Variants in OSBPL8 observed in about 807,000 individuals in gnomAD.
OSBPL8 encodes the protein oxysterol binding protein like 8.
OSBPL8 carries 59 observed loss-of-function variants against 125.5 expected under a neutral mutation model. That is an observed-to-expected ratio of 0.47 (90% confidence interval 0.38 to 0.58). The LOEUF is 0.58. Ranked by LOEUF, OSBPL8 falls within the 20% of genes least tolerant of loss-of-function variation. The pLI, the probability that OSBPL8 is intolerant of heterozygous loss-of-function variation, is 0.00. For missense variants in OSBPL8, 758 were observed against 1,047.8 expected, an observed-to-expected ratio of 0.72 and a Z score of 3.82; for synonymous variants, 330 against 338.9, an observed-to-expected ratio of 0.97 and a Z score of 0.29.
At position 76,450,954 on chromosome 12, in the gene OSBPL8, C is replaced by T. The variant is rs1235410529; in HGVS notation, c.114G>A (p.Leu38=). The T allele has an allele frequency of 6.2e-7, 1 of 1,613,718 alleles. No homozygotes were observed. The highest frequency in any genetic ancestry group is 8.5e-7 in the Non-Finnish European group (1 of 1,179,872). The part of the protein sequence containing the change: ...VVANSDESQL[L]TPGKMSQRQG... ...GGCGCTGACTCATCTTTCCTGGTGT[C>T]AGAAGCTGAGATTCGTCACTGTTTG... Residue 38 remains leucine, a synonymous_variant, in exon 4 of 24, where the codon CTG becomes CTA. Coordinates refer to ENST00000261183, the MANE Select transcript of OSBPL8 (RefSeq NM_020841.5).
chr12:76,392,138 C>A (rs1394483924), intron 10 of OSBPL8, among the ~76,000 whole-genome samples: 2 of 93,472 alleles, frequency 2.1e-5, no homozygotes, highest in Non-Finnish European at 4.1e-5. Flanking sequence ...TTCACAAATA[C>A]CAGGTAGAGT....
At chr12:76,386,043 T>A (rs1953294797) in intron 14 of OSBPL8, 125 bp downstream of exon 14, 1 of 1,372,880 alleles carries the variant, frequency 7.3e-7, no homozygotes, top group South Asian at 1.5e-5. Context: ...AAAGGTTAAA[T>A]GTTTACCAAA....
chr12:76,359,615 G>A (rs577044415), intron 21 of OSBPL8, among the ~76,000 whole-genome samples: 1 of 152,190 alleles, frequency 6.6e-6, no homozygotes, highest in East Asian at 1.9e-4. Context: ...CCGAGACTGG[G>A]ATGAAAAGGA....
chr12:76,454,351 G>C lies in OSBPL8; in HGVS notation c.80-3363C>G, dbSNP rs1873759661. ...ATAGTATATAGCACTAAAAAGGAAT[G>C]ATCTAGTTCTATAACAAACGACATG... is the stretch of plus-strand genomic sequence containing the variant. On this transcript the variant is annotated intron_variant, in intron 3 of 23. Coordinates refer to ENST00000261183, the MANE Select transcript of OSBPL8 (RefSeq NM_020841.5). Among the ~76,000 whole-genome samples the C allele has an allele frequency of 3.3e-5, 5 of 152,100 alleles. No homozygotes were observed. In the South Asian group the frequency reaches 6.2e-4, roughly 19 times the overall value.
intron 4 of OSBPL8, among the ~76,000 whole-genome samples, chr12:76,439,372 C>G (rs1213410615): frequency 6.6e-6 from 1 of 151,254 alleles, no homozygotes; most frequent in Non-Finnish European, 1.5e-5. Flanking sequence ...GAGTGAGACT[C>G]CATCTCCAAA....
At chr12:76,531,202 T>C (rs1950330500) in intron 1 of OSBPL8, among the ~76,000 whole-genome samples, 1 of 152,188 alleles carries the variant, frequency 6.6e-6, no homozygotes, top group East Asian at 1.9e-4. Flanking sequence ...AATTGCCTTA[T>C]AAAACCACCA....
At chr12:76,445,442 T>C (rs539394497) in intron 4 of OSBPL8, among the ~76,000 whole-genome samples, 1 of 152,074 alleles carries the variant, frequency 6.6e-6, no homozygotes, top group Non-Finnish European at 1.5e-5. Context: ...TAAGAAAGCA[T>C]GCCAAGACTG....
chr12:76,359,337 T>C (rs971167948), intron 21 of OSBPL8, among the ~76,000 whole-genome samples: 4 of 152,212 alleles, frequency 2.6e-5, no homozygotes, highest in African/African-American at 9.7e-5. Flanking sequence ...AAGTATCTTA[T>C]AATAAATAAA....
At chr12:76,525,055 T>C (rs1471155513) in intron 1 of OSBPL8, among the ~76,000 whole-genome samples, 1 of 152,124 alleles carries the variant, frequency 6.6e-6, no homozygotes, top group African/African-American at 2.4e-5. Flanking sequence ...ACAAAACAAC[T>C]AGGCTTCTTT....
At chr12:76,380,296 T>C (rs972935839) in intron 15 of OSBPL8, among the ~76,000 whole-genome samples, 3 of 152,210 alleles carry the variant, frequency 2.0e-5, no homozygotes, top group African/African-American at 7.2e-5. Flanking sequence ...GGATCTTCTT[T>C]AATTTTCCTC....
intron 1 of OSBPL8, among the ~76,000 whole-genome samples, chr12:76,536,270 T>C (rs1378029965): frequency 1.3e-5 from 2 of 152,080 alleles, no homozygotes; most frequent in African/African-American, 4.8e-5. Context: ...GCAGATCACC[T>C]GAGGTCAAAA....
At chr12:76,365,974 C>T (rs1412712365) in intron 21 of OSBPL8, among the ~76,000 whole-genome samples, 1 of 152,052 alleles carries the variant, frequency 6.6e-6, no homozygotes, top group Admixed American at 6.5e-5. Context: ...TAATATGCTA[C>T]TGAATTTTGT....
chr12:76,355,309 G>A lies in OSBPL8; in HGVS notation c.*580C>T, dbSNP rs1329203646. ...AAGCAATTTGCCATTTATCTCTCTC[G>A]ATGTATTCATTTTGACCATTCATAC... On this transcript the variant is annotated 3_prime_UTR_variant, in exon 24 of 24. Coordinates refer to ENST00000261183, the MANE Select transcript of OSBPL8 (RefSeq NM_020841.5). The A allele has an allele frequency of 6.6e-6, 1 of 152,144 alleles. No homozygotes were observed. Among genetic ancestry groups the A allele is most frequent in the African/African-American group, 2.4e-5 (1 of 41,342 alleles). The allele number at this position is 152,144 out of a possible 1,614,324, so 9.4% of individuals were successfully genotyped here.
intron 1 of OSBPL8, among the ~76,000 whole-genome samples, chr12:76,497,751 T>G (rs1396516277): frequency 6.6e-6 from 1 of 152,200 alleles, no homozygotes; most frequent in African/African-American, 2.4e-5. Context: ...TGTACCTTTG[T>G]AACATGAGGC....
In OSBPL8 at chr12:76,369,492, T is replaced by C. The variant is rs535186122; in HGVS notation, c.2240+145A>G. ...TTCTATCATAGAGTCAAGCTTATAA[T>C]GAATGCAAAACCAAGTTTAAAAATC... On this transcript the variant is annotated intron_variant, in intron 20 of 23. Coordinates refer to ENST00000261183, the MANE Select transcript of OSBPL8 (RefSeq NM_020841.5). 5.4e-5 allele frequency: 73 copies of C among 1,346,234 alleles called. No homozygotes were observed. The East Asian group carries it at 1.5e-3, about 28-fold the overall frequency. The allele number at this position is 1,346,234 out of a possible 1,614,324, so 83.4% of individuals were successfully genotyped here.
chr12:76,474,142 T>C (rs1481818131), intron 2 of OSBPL8, among the ~76,000 whole-genome samples: 1 of 152,222 alleles, frequency 6.6e-6, no homozygotes, highest in Non-Finnish European at 1.5e-5. Context: ...GAAGGTAGGT[T>C]AGTTTGCTGA....
chr12:76,392,822 C>A, intron 9 of OSBPL8, 70 bp from the exon 10 acceptor site: 1 of 1,408,948 alleles, frequency 7.1e-7, no homozygotes, highest in South Asian at 1.5e-5. Flanking sequence ...CTTAACTTAC[C>A]CTGTTACCAC....
chr12:76,462,663 TA>T (rs1454301014), intron 2 of OSBPL8, among the ~76,000 whole-genome samples: 11 of 151,748 alleles, frequency 7.2e-5, no homozygotes, highest in Non-Finnish European at 1.5e-4. Flanking sequence ...GCATAAAAAC[TA>T]GGGGGGGAAA....
At chr12:76,465,170 C>A (rs913781717) in intron 2 of OSBPL8, among the ~76,000 whole-genome samples, 2 of 152,130 alleles carry the variant, frequency 1.3e-5, no homozygotes, top group East Asian at 1.9e-4. Context: ...TATTATCTGG[C>A]CTGCCAAGCA....
Sources: gnomAD v4.1 joint callset for allele counts (sites outside exome capture counted in the v4.1 genomes callset) on GRCh38, gnomAD v4.1.1 for gene constraint, MANE v1.5 for transcripts, NCBI Gene and HGNC (gene_info 2026-07-23, HGNC 2026-07-21) for gene names.